Variants in TULP4 observed in about 807,000 individuals in gnomAD.
TULP4 encodes tubby-related protein 4.
TULP4 carries 16 observed loss-of-function variants against 129.0 expected under a neutral mutation model. The ratio of observed to expected loss-of-function variants is 0.12; its 90% CI spans 0.08 to 0.19. TULP4 has a LOEUF of 0.19. Ranked by LOEUF, TULP4 falls within the 10% of genes least tolerant of loss-of-function variation. The pLI is 1.00. For missense variants in TULP4, 1,842 were observed against 2,059.1 expected, an observed-to-expected ratio of 0.89 and a Z score of 2.04; for synonymous variants, 998 against 854.0, an observed-to-expected ratio of 1.17 and a Z score of -2.94.
At chr6:158,380,030 A>G (rs1400989911) in intron 1 of TULP4, among the ~76,000 whole-genome samples, 2 of 152,304 alleles carry the variant, frequency 1.3e-5, no homozygotes, top group Middle Eastern at 3.4e-3. Context: ...GTTTAAAAGA[A>G]CAATGAAAAG....
chr6:158,305,191 G>A (rs1779195962), intron 1 of TULP4, among the ~76,000 whole-genome samples: 1 of 151,922 alleles, frequency 6.6e-6, no homozygotes, highest in African/African-American at 2.4e-5. Context: ...TTATATCACT[G>A]GAGTCATAAG....
intron 1 of TULP4, among the ~76,000 whole-genome samples, chr6:158,409,278 C>CT (rs1778033923): frequency 6.6e-6 from 1 of 152,118 alleles, no homozygotes; most frequent in African/African-American, 2.4e-5. Flanking sequence ...TAGTAACACT[C>CT]TAAAATGAGA....
Position 158,509,999 on chromosome 6 carries a change from A to G in TULP4, c.*3305A>G, listed in dbSNP as rs897148641. ...ATACCTCATTGAATCCCTAAATTTA[A>G]AAGCAGTCCAGTAAAAGGTTAACTG... On this transcript the variant is annotated 3_prime_UTR_variant, in exon 14 of 14. Transcript: ENST00000367097. 28 of 152,412 alleles carry G rather than the reference A, an allele frequency of 1.8e-4. No individual in the cohort carries two copies. The highest frequency in any genetic ancestry group is 6.0e-4 in the African/African-American group (25 of 41,466). The allele number at this position is 152,412 out of a possible 1,614,324, so 9.4% of individuals were successfully genotyped here.
intron 1 of TULP4, among the ~76,000 whole-genome samples, chr6:158,386,322 A>G (rs899377630): frequency 2.3e-4 from 35 of 152,314 alleles, no homozygotes; most frequent in Admixed American, 2.0e-3. Flanking sequence ...TTGAAATTTC[A>G]GTACTGAAAC....
intron 3 of TULP4, among the ~76,000 whole-genome samples, chr6:158,430,423 A>G (rs1046415305): frequency 3.9e-5 from 6 of 152,232 alleles, no homozygotes; most frequent in African/African-American, 1.4e-4. Flanking sequence ...AATAACATAT[A>G]ATAACAATAA....
intron 1 of TULP4, among the ~76,000 whole-genome samples, chr6:158,371,746 T>C (rs1372098475): frequency 6.6e-6 from 1 of 152,250 alleles, no homozygotes; most frequent in Non-Finnish European, 1.5e-5. Flanking sequence ...TAGATCTGCA[T>C]AGGTTCAGAG....
chr6:158,454,417 G>A (rs555948995), intron 5 of TULP4, among the ~76,000 whole-genome samples: 1 of 152,074 alleles, frequency 6.6e-6, no homozygotes, highest in Non-Finnish European at 1.5e-5. Context: ...TTGAGAACCT[G>A]CCTCTAGTTC....
At chr6:158,455,835 G>C (rs1048242384) in intron 5 of TULP4, among the ~76,000 whole-genome samples, 13 of 152,302 alleles carry the variant, frequency 8.5e-5, no homozygotes, top group African/African-American at 2.9e-4. Flanking sequence ...CCATCAAGTA[G>C]GTGCTGTAAG....
intron 1 of TULP4, among the ~76,000 whole-genome samples, chr6:158,253,871 C>A (rs1268853220): frequency 6.6e-6 from 1 of 151,974 alleles, no homozygotes; most frequent in African/African-American, 2.4e-5. Context: ...TCCGTCTCTA[C>A]TAAAAATAGA....
At chr6:158,279,595 C>A (rs181896529), upstream of TULP4, among the ~76,000 whole-genome samples, 15 of 152,246 alleles carry the variant, frequency 9.9e-5, no homozygotes, top group South Asian at 2.1e-4. Context: ...TTTCAAATTA[C>A]TTCATCTGTG....
At chr6:158,391,716 T>C (rs77983534) in intron 1 of TULP4, among the ~76,000 whole-genome samples, 4 of 152,218 alleles carry the variant, frequency 2.6e-5, no homozygotes, top group Non-Finnish European at 5.9e-5. Context: ...ACTGCTGTAT[T>C]TGAAGACAGA....
chr6:158,283,620 T>A (rs1778793471), intron 1 of TULP4, among the ~76,000 whole-genome samples: 1 of 152,246 alleles, frequency 6.6e-6, no homozygotes, highest in African/African-American at 2.4e-5. Flanking sequence ...TACTGTGTTC[T>A]TAAACTGTCC....
intron 2 of TULP4, among the ~76,000 whole-genome samples, chr6:158,415,607 G>A (rs1460171054): frequency 1.3e-5 from 2 of 148,520 alleles, no homozygotes; most frequent in Non-Finnish European, 3.0e-5. Context: ...TGATCCACCC[G>A]CGTCAGCCTC....
chr6:158,333,436 T>C (rs930316027), intron 1 of TULP4, among the ~76,000 whole-genome samples: 3 of 152,234 alleles, frequency 2.0e-5, no homozygotes, highest in African/African-American at 4.8e-5. Context: ...CCTTGGACTT[T>C]CTAGCCTCCA....
intron 5 of TULP4, among the ~76,000 whole-genome samples, chr6:158,453,507 A>AAAAAC (rs1779213630): frequency 7.2e-6 from 1 of 137,976 alleles, no homozygotes; most frequent in African/African-American, 2.8e-5. Context: ...AAAAAAAAAA[A>AAAAAC]AAGCCGGGCA....
chr6:158,372,083 G>A (rs1350622054), intron 1 of TULP4, among the ~76,000 whole-genome samples: 1 of 149,910 alleles, frequency 6.7e-6, no homozygotes, highest in African/African-American at 2.5e-5. Flanking sequence ...TCAAAGTGCT[G>A]GGATTACAGG....
At chr6:158,438,909 T>C (rs914546720) in intron 3 of TULP4, among the ~76,000 whole-genome samples, 39 of 152,268 alleles carry the variant, frequency 2.6e-4, no homozygotes, top group African/African-American at 6.7e-4. Context: ...CAGTGGCTCA[T>C]GCCTGTAATC....
intron 1 of TULP4, among the ~76,000 whole-genome samples, chr6:158,300,507 T>C (rs558900466): frequency 6.6e-6 from 1 of 152,334 alleles, no homozygotes; most frequent in East Asian, 1.9e-4. Flanking sequence ...TCCCTGAGGA[T>C]TGTAAGTTAC....
intron 1 of TULP4, among the ~76,000 whole-genome samples, chr6:158,239,649 C>T (rs1217861006): frequency 1.4e-5 from 1 of 70,452 alleles, no homozygotes; most frequent in African/African-American, 4.8e-5. Context: ...CTGACCCCCC[C>T]ACCTCCCTCC....
Sources: gnomAD v4.1 joint callset for allele counts (sites outside exome capture counted in the v4.1 genomes callset) on GRCh38, gnomAD v4.1.1 for gene constraint, MANE v1.5 for transcripts, NCBI Gene and HGNC (gene_info 2026-07-23, HGNC 2026-07-21) for gene names.